Variants in UBAP1 observed in about 807,000 individuals in gnomAD.
UBAP1 encodes ubiquitin associated protein 1, also known as ubiquitin-associated protein 1.
A neutral mutation model predicts 39.0 loss-of-function variants in UBAP1; 5 were observed. The ratio of observed to expected loss-of-function variants is 0.13; its 90% confidence interval spans 0.07 to 0.27. UBAP1 has a LOEUF of 0.27. Among genes scored for constraint, UBAP1 ranks in the 10% least tolerant of loss-of-function variants. The pLI is 1.00. For synonymous variants in UBAP1, 211 were observed against 225.1 expected (o/e 0.94, Z 0.56); for missense variants, 490 against 608.1 (o/e 0.81, Z 2.04).
chr9:34,192,748 T>C (rs1416855095), intron 1 of UBAP1, among the ~76,000 whole-genome samples: 1 of 152,110 alleles, frequency 6.6e-6, no homozygotes. Context: ...CTAATGTATT[T>C]TTTTAAAATC....
chr9:34,214,582 CG>C (rs767366260), intron 1 of UBAP1, among the ~76,000 whole-genome samples: 11 of 152,028 alleles, frequency 7.2e-5, no homozygotes, highest in Non-Finnish European at 1.5e-4. Context: ...TTGGCTTAGG[CG>C]AGGATTTCAT....
intron 4 of UBAP1, 40 bp downstream of exon 4, chr9:34,242,148 T>C (rs768406152): frequency 5.9e-6 from 9 of 1,525,918 alleles, no homozygotes; most frequent in Non-Finnish European, 1.8e-6. Flanking sequence ...CATATTTTCC[T>C]GATGACAGGG....
chr9:34,204,327 A>G (rs967901222), intron 1 of UBAP1, among the ~76,000 whole-genome samples: 1 of 152,224 alleles, frequency 6.6e-6, no homozygotes, highest in Non-Finnish European at 1.5e-5. Context: ...TTAGTATTGT[A>G]TTAGTTACTT....
At chr9:34,225,542 T>C in intron 2 of UBAP1, among the ~76,000 whole-genome samples, 1 of 151,570 alleles carries the variant, frequency 6.6e-6, no homozygotes, top group Admixed American at 6.6e-5. Flanking sequence ...CTTTGGGAGG[T>C]TGAGGCAGGC....
At chr9:34,210,817 A>G (rs1164228501) in intron 1 of UBAP1, among the ~76,000 whole-genome samples, 2 of 151,446 alleles carry the variant, frequency 1.3e-5, no homozygotes, top group East Asian at 1.9e-4. Flanking sequence ...TGAAAGTTAT[A>G]TTTAATTCAC....
chr9:34,242,171 C>T, intron 4 of UBAP1, 63 bp downstream of exon 4: 1 of 1,488,350 alleles, frequency 6.7e-7, no homozygotes, highest in Non-Finnish European at 9.0e-7. Flanking sequence ...TATGTTTTTT[C>T]TTGTTGTTTG....
intron 2 of UBAP1, among the ~76,000 whole-genome samples, chr9:34,228,736 ATT>A (rs55715947): frequency 9.4e-4 from 133 of 140,912 alleles, no homozygotes; most frequent in African/African-American, 3.2e-3. Flanking sequence ...TGCCTAGCTA[ATT>A]TTTTTTTTTT....
intron 1 of UBAP1, among the ~76,000 whole-genome samples, chr9:34,211,042 A>G (rs1479439661): frequency 1.3e-5 from 2 of 152,166 alleles, no homozygotes; most frequent in African/African-American, 4.8e-5. Flanking sequence ...TGATGAACAT[A>G]TGATTGCTAG....
At position 34,191,784 on chromosome 9, in the gene UBAP1, C is replaced by T. The variant is rs577164721; in HGVS notation, c.-8+12544C>T. On this transcript the variant is annotated intron_variant, in intron 1 of 6. Coordinates refer to ENST00000297661, the MANE Select transcript of UBAP1 (RefSeq NM_016525.5). ...GAGTAATCTGTGGAAAGATAATTTG[C>T]GCCCATGGAAACAGACATGCCAAAT... 111 of 153,542 alleles carry T rather than the reference C, an allele frequency of 7.2e-4. 2 individuals carry two copies. Among genetic ancestry groups the T allele is most frequent in the African/African-American group, 2.1e-3 (87 of 41,538 alleles). 9.5% of individuals were successfully genotyped at this position (153,542 alleles called of 1,614,324 possible).
intron 4 of UBAP1, among the ~76,000 whole-genome samples, chr9:34,248,836 TAAA>T (rs1314183729): frequency 6.6e-6 from 1 of 152,136 alleles, no homozygotes; most frequent in African/African-American, 2.4e-5. Flanking sequence ...AACAAGGAAA[TAAA>T]AAAATTTTTG....
At chr9:34,209,376 A>G (rs918643934) in intron 1 of UBAP1, among the ~76,000 whole-genome samples, 1 of 152,248 alleles carries the variant, frequency 6.6e-6, no homozygotes, top group Non-Finnish European at 1.5e-5. Flanking sequence ...ATCTAACAAT[A>G]TAAATTAAAT....
chr9:34,232,527 G>T (rs1053712321), intron 2 of UBAP1, among the ~76,000 whole-genome samples: 1 of 152,146 alleles, frequency 6.6e-6, no homozygotes, highest in African/African-American at 2.4e-5. Context: ...TTTAGTTCTG[G>T]CCAGAAGTTA....
At chr9:34,249,229 G>GGGTTCCTGAGCTGTCCA (rs1375184526) in intron 4 of UBAP1, among the ~76,000 whole-genome samples, 1 of 152,114 alleles carries the variant, frequency 6.6e-6, no homozygotes, top group Non-Finnish European at 1.5e-5. Context: ...TCAAAACCCT[G>GGGTTCCTGAGCTGTCCA]GGTTCCTGAG....
At chr9:34,227,228 C>T (rs1173279587) in intron 2 of UBAP1, among the ~76,000 whole-genome samples, 1 of 152,034 alleles carries the variant, frequency 6.6e-6, no homozygotes, top group African/African-American at 2.4e-5. Context: ...CAACAGATAT[C>T]TATGTTATTT....
chr9:34,224,401 C>A, intron 2 of UBAP1: 1 of 417,490 alleles, frequency 2.4e-6, no homozygotes, highest in Admixed American at 3.4e-5. Flanking sequence ...ATCGATGATC[C>A]TTGTTTTGCA....
At chr9:34,222,042 T>C (rs1252315620) in intron 2 of UBAP1, among the ~76,000 whole-genome samples, 3 of 151,956 alleles carry the variant, frequency 2.0e-5, no homozygotes, top group Non-Finnish European at 2.9e-5. Context: ...GGTGGGAGGA[T>C]TGCTTGATCC....
At position 34,182,655 on chromosome 9, in the gene UBAP1, CTT is replaced by C. The variant is rs1563881108; in HGVS notation, c.-8+3417_-8+3418del. 2.4e-3 allele frequency among the ~76,000 whole-genome samples: 147 copies of C among 60,684 alleles called. 1 individual carries two copies. Among genetic ancestry groups the C allele is most frequent in the Middle Eastern group, 6.5e-3 (1 of 154 alleles). The allele number at this position is 60,684 out of a possible 152,430, so 39.8% of individuals were successfully genotyped here. A position where few individuals can be genotyped will look rare whatever the true frequency, so the allele number is the denominator to read the frequency against. On this transcript the variant is annotated intron_variant, in intron 1 of 6. Coordinates refer to ENST00000297661, the MANE Select transcript of UBAP1 (RefSeq NM_016525.5). ...TCTTTCTTTCTTTCTTTCTTTCTTT[CTT>C]TCTTTCTTTCTTTCTTTCTTTCTTT...
intron 1 of UBAP1, 32 bp downstream of exon 1, chr9:34,179,272 A>T: frequency 1.4e-4 from 16 of 113,108 alleles, no homozygotes; most frequent in Non-Finnish European, 1.6e-4. Context: ...GGGAGGGGGA[A>T]GAGGGGCGGA....
chr9:34,228,339 A>T (rs1833212167), intron 2 of UBAP1, among the ~76,000 whole-genome samples: 1 of 145,870 alleles, frequency 6.9e-6, no homozygotes, highest in Non-Finnish European at 1.5e-5. Context: ...AATAGCGTGA[A>T]CCCAGGAGGC....
Sources: gnomAD v4.1 joint callset for allele counts (sites outside exome capture counted in the v4.1 genomes callset) on GRCh38, gnomAD v4.1.1 for gene constraint, MANE v1.5 for transcripts, NCBI Gene and HGNC (gene_info 2026-07-23, HGNC 2026-07-21) for gene names.